Variants in AAGAB observed in about 807,000 individuals in gnomAD.
AAGAB encodes alpha- and gamma-adaptin-binding protein p34.
Under a neutral mutation model 44.1 loss-of-function variants are expected in AAGAB, and 38 were observed. The observed-to-expected ratio is 0.86, with a 90% confidence interval of 0.67 to 1.13. The LOEUF (loss-of-function observed/expected upper bound fraction) is 1.13, where lower values mean the gene tolerates loss of function less well. Ranked by LOEUF, AAGAB falls within the 50% of genes most tolerant of loss-of-function variation. AAGAB has a pLI of 0.00. For missense variants in AAGAB, 450 were observed against 373.8 expected (o/e 1.20, Z -1.68); for synonymous variants, 131 against 131.8 (o/e 0.99, Z 0.04).
intron 5 of AAGAB, among the ~76,000 whole-genome samples, chr15:67,220,167 T>C (rs1365180048): frequency 6.6e-6 from 1 of 152,226 alleles, no homozygotes; most frequent in Non-Finnish European, 1.5e-5. Flanking sequence ...ATCTCCATCA[T>C]TCCAGATGAT....
intron 1 of AAGAB, among the ~76,000 whole-genome samples, chr15:67,244,496 A>G (rs1964674413): frequency 6.6e-6 from 1 of 152,028 alleles, no homozygotes; most frequent in South Asian, 2.1e-4. Flanking sequence ...AGACCAGAAA[A>G]CCAATTTAAA....
At chr15:67,203,971 A>G in intron 8 of AAGAB, 73 bp downstream of exon 8, 1 of 942,174 alleles carries the variant, frequency 1.1e-6, no homozygotes, top group Non-Finnish European at 1.6e-6. Flanking sequence ...AGCAGTTAAC[A>G]AAATAAAATG....
At chr15:67,225,079 A>T (rs1266921917) in intron 5 of AAGAB, among the ~76,000 whole-genome samples, 1 of 152,216 alleles carries the variant, frequency 6.6e-6, no homozygotes, top group Non-Finnish European at 1.5e-5. Context: ...GCACTTAAAA[A>T]ATACTGTAGC....
chr15:67,212,004 C>T (rs866495602), intron 5 of AAGAB, among the ~76,000 whole-genome samples: 5 of 152,140 alleles, frequency 3.3e-5, no homozygotes, highest in East Asian at 3.8e-4. Context: ...CTCAGCCTCC[C>T]GAGTAGCCGG....
intron 4 of AAGAB, among the ~76,000 whole-genome samples, chr15:67,234,990 T>A (rs1231608422): frequency 1.3e-5 from 2 of 152,240 alleles, no homozygotes; most frequent in East Asian, 3.8e-4. Flanking sequence ...AAATATTTCT[T>A]AATTCCTTGA....
chr15:67,209,117 A>G (rs942701398), intron 6 of AAGAB, among the ~76,000 whole-genome samples: 1 of 152,254 alleles, frequency 6.6e-6, no homozygotes, highest in Non-Finnish European at 1.5e-5. Flanking sequence ...CTCATTGAGG[A>G]CAGGGACCTT....
At chr15:67,211,542 G>T (rs1284161473) in intron 5 of AAGAB, among the ~76,000 whole-genome samples, 1 of 152,210 alleles carries the variant, frequency 6.6e-6, no homozygotes, top group African/African-American at 2.4e-5. Context: ...TAAAGTAGCT[G>T]TATGTAGTTA....
In AAGAB at chr15:67,200,747, T is replaced by C. The variant is rs1222741337; in HGVS notation, c.*2074A>G. Among the ~76,000 whole-genome samples, 1 of 152,282 alleles carries C rather than the reference T, an allele frequency of 6.6e-6. No homozygotes were observed. The highest frequency in any genetic ancestry group is 1.5e-5 in the Non-Finnish European group (1 of 68,046). ...GTCACTTTAGATAGACTGCAGCTAT[T>C]ACTGTAGTGTTAGCTCATGATCACT... is the stretch of plus-strand genomic sequence containing the variant. On this transcript the variant is annotated 3_prime_UTR_variant, in exon 10 of 10. Transcript: ENST00000261880.
At chr15:67,221,852 T>C (rs34590589) in intron 5 of AAGAB, among the ~76,000 whole-genome samples, 31,777 of 152,154 alleles carry the variant, frequency 0.21, 4,050 homozygotes, top group East Asian at 0.47. Context: ...TCTCAGTTTA[T>C]TGAATTCCTC....
intron 5 of AAGAB, among the ~76,000 whole-genome samples, chr15:67,215,720 C>A (rs574632246): frequency 5.9e-5 from 9 of 152,274 alleles, no homozygotes; most frequent in African/African-American, 1.9e-4. Flanking sequence ...ATAAAAAATT[C>A]TTTTAAGAAA....
chr15:67,236,632 G>T lies in AAGAB; in HGVS notation c.262C>A (p.Gln88Lys), dbSNP rs753066432. ...CTTCATAGAAAACAAAGTCTTACTT[G>T]TGTGCTGTCAAAGTAAACCACAAAT... ...QAFVVYFDST[Q>K]KSGLDSVSSW... is the part of the protein sequence containing the mutation. The change falls in exon 2 of 10, where the codon CAA (glutamine) becomes AAA (lysine). Residue 88 changes from glutamine to lysine, a missense_variant and splice_region_variant. Gln to Lys is a moderately conservative substitution (Grantham distance 53). Coordinates refer to ENST00000261880, the MANE Select transcript of AAGAB (RefSeq NM_024666.5). 2.5e-6 allele frequency: 4 copies of T among 1,612,606 alleles called. No individual in the cohort carries two copies. Among genetic ancestry groups the T allele is most frequent in the African/African-American group, 2.7e-5 (2 of 74,876 alleles).
intron 1 of AAGAB, among the ~76,000 whole-genome samples, chr15:67,251,236 C>CTG (rs55690815): frequency 0.03 from 4,429 of 147,458 alleles, 89 homozygotes; most frequent in African/African-American, 0.055. Flanking sequence ...GTGTGTGTGT[C>CTG]TGTGTGTGTG....
rs1333445136 is a variant in AAGAB, at chr15:67,254,401, T to C, written c.73+158A>G. On this transcript the variant is annotated intron_variant, in intron 1 of 9. Transcript: ENST00000261880. ...GGCAGAAAAGCACGAGATTAAGAGA[T>C]AGGGGCAGCCACCTGGGGAGACTGG... is the stretch of plus-strand genomic sequence containing the variant. The C allele has an allele frequency of 2.1e-5, 30 of 1,421,192 alleles. No homozygotes were observed. The East Asian group carries it at 6.1e-4, about 29-fold the overall frequency. 88.0% of individuals were successfully genotyped at this position (1,421,192 alleles called of 1,614,324 possible).
intron 5 of AAGAB, 30 bp from the exon 6 acceptor site, chr15:67,209,574 T>G (rs377196286): frequency 6.4e-7 from 1 of 1,562,310 alleles, no homozygotes; most frequent in Non-Finnish European, 8.8e-7. Flanking sequence ...TTAGTGAAAT[T>G]TGTCATTTAC....
intron 5 of AAGAB, among the ~76,000 whole-genome samples, chr15:67,218,355 T>C (rs1242494325): frequency 6.6e-6 from 1 of 152,210 alleles, no homozygotes; most frequent in East Asian, 1.9e-4. Flanking sequence ...GGCAGGGCCT[T>C]AGTGGTAACA....
intron 4 of AAGAB, among the ~76,000 whole-genome samples, chr15:67,232,122 C>T (rs568829964): frequency 1.3e-5 from 2 of 151,836 alleles, no homozygotes; most frequent in South Asian, 4.2e-4. Flanking sequence ...GGCGTGGTGG[C>T]GCATGCATGT....
chr15:67,246,876 C>T (rs1243713883), intron 1 of AAGAB, among the ~76,000 whole-genome samples: 2 of 152,166 alleles, frequency 1.3e-5, no homozygotes. Flanking sequence ...GTGGGCGGGG[C>T]CAAATAAGGG....
At chr15:67,212,176 C>T (rs903530060) in intron 5 of AAGAB, among the ~76,000 whole-genome samples, 2 of 152,108 alleles carry the variant, frequency 1.3e-5, no homozygotes, top group African/African-American at 2.4e-5. Flanking sequence ...CTACGGCACC[C>T]GGCCGAAATG....
rs759231047 is a variant in AAGAB at position 67,251,215 on chromosome 15, C to CGTGT, written c.73+3340_73+3343dup. Among the ~76,000 whole-genome samples, 865 of 143,622 alleles carry CGTGT rather than the reference C, an allele frequency of 6.0e-3. 13 individuals are homozygous for CGTGT. Among genetic ancestry groups the CGTGT allele is most frequent in the African/African-American group, 0.021 (831 of 39,928 alleles). The allele number at this position is 143,622 out of a possible 152,430, so 94.2% of individuals were successfully genotyped here. A position where few individuals can be genotyped will look rare whatever the true frequency, so the allele number is the denominator to read the frequency against. ...GGCCTACTGATTCTTATTTTAAGTG[C>CGTGT]GTGTGTGTGTGTGTGTGTGTCTGTG... is the stretch of plus-strand genomic sequence containing the variant. On this transcript the variant is annotated intron_variant, in intron 1 of 9. Transcript: ENST00000261880.
Sources: allele counts gnomAD v4.1 joint callset (sites outside exome capture counted in the v4.1 genomes callset), GRCh38; gene constraint gnomAD v4.1.1; transcripts MANE v1.5; gene names NCBI Gene and HGNC (gene_info 2026-07-23, HGNC 2026-07-21).